The following KIF1B variants were observed in gnomAD, a reference collection of about 807,000 sequenced individuals.
KIF1B encodes the protein kinesin family member 1B.
KIF1B carries 76 observed loss-of-function variants against 241.9 expected under a neutral mutation model. The ratio of observed to expected loss-of-function variants is 0.31; its 90% CI spans 0.26 to 0.38. The LOEUF (loss-of-function observed/expected upper bound fraction) is 0.38. KIF1B is among the 10% of genes least tolerant of loss of function. KIF1B has a pLI of 1.00. For missense variants in KIF1B, 1,622 were observed against 2,271.4 expected (o/e 0.71, Z 5.81); for synonymous variants, 750 against 796.7 (o/e 0.94, Z 0.99).
chr1:10,256,690 A>AAAT (rs200673196), intron 3 of KIF1B, among the ~76,000 whole-genome samples: 4,004 of 148,772 alleles, frequency 0.027, 58 homozygotes, highest in African/African-American at 0.034. Flanking sequence ...AGGAAATGCC[A>AAAT]AATAATAATA....
At chr1:10,351,045 G>C (rs1652772701) in intron 37 of KIF1B, among the ~76,000 whole-genome samples, 1 of 138,506 alleles carries the variant, frequency 7.2e-6, no homozygotes, top group Admixed American at 7.7e-5. Flanking sequence ...CCATGATCAT[G>C]CCACTGCATG....
At position 10,379,386 on chromosome 1, in the gene KIF1B, G is replaced by C. The variant is rs1029229622; in HGVS notation, c.*2799G>C. ...AGGGAGCAGAGTGGTCGTGTCCTGC[G>C]TGCTCTTCACCCTCTGGGGCGCCCC... On this transcript the variant is annotated 3_prime_UTR_variant, in exon 49 of 49. Transcript: ENST00000676179. 1 of 231,276 alleles carries C rather than the reference G, an allele frequency of 4.3e-6. No individual in the cohort carries two copies. The highest frequency in any genetic ancestry group is 5.6e-5 in the Admixed American group (1 of 17,724). The allele number at this position is 231,276 out of a possible 1,614,324, so 14.3% of individuals were successfully genotyped here. A position where few individuals can be genotyped will look rare whatever the true frequency, so the allele number is the denominator to read the frequency against.
chr1:10,372,012 C>T (rs957828593), intron 45 of KIF1B, among the ~76,000 whole-genome samples: 4 of 152,164 alleles, frequency 2.6e-5, no homozygotes, highest in African/African-American at 9.7e-5. Context: ...GCAACACACC[C>T]TCTTGTGCAT....
At chr1:10,277,608 G>A (rs1267076079) in intron 12 of KIF1B, among the ~76,000 whole-genome samples, 1 of 152,062 alleles carries the variant, frequency 6.6e-6, no homozygotes, top group African/African-American at 2.4e-5. Context: ...TAAAGTGTTG[G>A]GATTACAGGT....
rs763876459 is a variant in KIF1B at position 10,321,806 on chromosome 1, T to C, written c.2307T>C (p.Asn769=). Residue 769 remains asparagine (N), a synonymous_variant, in exon 24 of 49, where the codon AAT becomes AAC. Coordinates refer to ENST00000676179, the MANE Select transcript of KIF1B (RefSeq NM_001365951.3). ...CATTACGGGACTTACTCTGGGGCAA[T>C]GCCGTGTACCTAAAGGAGGCCAATG... ...FTSLRDLLWG[N]AVYLKEANAI... The C allele has an allele frequency of 4.3e-6, 7 of 1,614,100 alleles. No homozygotes were observed. The Admixed American group carries it at 6.7e-5, about 15-fold the overall frequency.
At chr1:10,256,500 T>C (rs771361679) in intron 3 of KIF1B, among the ~76,000 whole-genome samples, 177 bp downstream of exon 3, 17 of 152,236 alleles carry the variant, frequency 1.1e-4, no homozygotes, top group Middle Eastern at 3.4e-3. Context: ...TTTGGGTTGA[T>C]GGAAAGTTTA....
chr1:10,237,689 A>C (rs983073682), intron 2 of KIF1B, among the ~76,000 whole-genome samples: 1 of 152,142 alleles, frequency 6.6e-6, no homozygotes, highest in Admixed American at 6.6e-5. Flanking sequence ...AACTGATACA[A>C]ATAATGATTT....
chr1:10,370,593 T>G (rs1203114), intron 44 of KIF1B, among the ~76,000 whole-genome samples: 95,609 of 141,286 alleles, frequency 0.68, 32,584 homozygotes, highest in East Asian at 0.82. Flanking sequence ...ATAATAATAA[T>G]AAGAAGAAGA....
chr1:10,282,081 T>C (rs1356932622), intron 14 of KIF1B, among the ~76,000 whole-genome samples: 4 of 152,224 alleles, frequency 2.6e-5, no homozygotes, highest in African/African-American at 9.6e-5. Context: ...TACATTGGAA[T>C]CTTTTAGTTT....
chr1:10,254,867 ACT>A (rs1647679412), intron 2 of KIF1B, among the ~76,000 whole-genome samples: 2 of 115,774 alleles, frequency 1.7e-5, no homozygotes, highest in South Asian at 5.8e-4. Context: ...ACAGAGGGAG[ACT>A]CTGTCTCAAA....
At chr1:10,345,459 T>C (rs756530978) in intron 34 of KIF1B, among the ~76,000 whole-genome samples, 16 of 152,154 alleles carry the variant, frequency 1.1e-4, no homozygotes, top group Non-Finnish European at 2.1e-4. Flanking sequence ...TCAGCTTTGA[T>C]TGAGCCCCTG....
intron 22 of KIF1B, among the ~76,000 whole-genome samples, chr1:10,313,602 G>C (rs1183050540): frequency 2.0e-5 from 3 of 146,556 alleles, no homozygotes; most frequent in African/African-American, 7.9e-5. Flanking sequence ...CCAGGCTGGA[G>C]TGCAGTGGCG....
Position 10,303,930 on chromosome 1 carries a change from A to T in KIF1B, c.2115+6684A>T. The T allele has an allele frequency of 6.2e-7, 1 of 1,614,208 alleles. No individual in the cohort carries two copies. Among genetic ancestry groups the T allele is most frequent in the Non-Finnish European group, 8.5e-7 (1 of 1,180,044 alleles). ...TGATGAATGGGGATCCAGCTTTTAG[A>T]CGTGGACGTCTGCGCTGGATGAGGC... On this transcript the variant is annotated intron_variant, in intron 22 of 48. Transcript: ENST00000676179. This position sits in a 1 kb window ranked among gnomAD's most constrained non-coding sequence, Gnocchi z 5.2.
chr1:10,368,109 T>C (rs771162046), intron 43 of KIF1B, among the ~76,000 whole-genome samples: 51 of 152,248 alleles, frequency 3.3e-4, no homozygotes, highest in Non-Finnish European at 1.6e-4. Context: ...TTATTAGACA[T>C]ACATAGAACT....
chr1:10,368,517 C>G lies in KIF1B; in HGVS notation c.4803C>G (p.His1601Gln). 6.2e-7 allele frequency: 1 copy of G among 1,613,924 alleles called. No homozygotes were observed. The highest frequency in any genetic ancestry group is 8.5e-7 in the Non-Finnish European group (1 of 1,179,826). Residue 1601 changes from histidine to glutamine, a missense_variant, in exon 44 of 49, where the codon CAC becomes CAG. This residue lies in a region of KIF1B where 357 missense variants were observed against 409.0 expected (regional missense o/e 0.87). Coordinates refer to ENST00000676179, the MANE Select transcript of KIF1B (RefSeq NM_001365951.3). ...TCAACAGAGAATTCAGCCAGGTGCA[C>G]GGCAGCGTCAGTGACTGTAAGGTGA... ...HTFNREFSQV[H>Q]GSVSDCKLSD...
intron 1 of KIF1B, among the ~76,000 whole-genome samples, chr1:10,226,173 TAG>T (rs1209359764): frequency 6.6e-6 from 1 of 152,078 alleles, no homozygotes; most frequent in Non-Finnish European, 1.5e-5. Flanking sequence ...ATTAGATGGA[TAG>T]ACAAAGCAAG....
At chr1:10,216,967 T>C (rs1054930763) in intron 1 of KIF1B, among the ~76,000 whole-genome samples, 3 of 48,428 alleles carry the variant, frequency 6.2e-5, no homozygotes, top group African/African-American at 2.5e-4. Flanking sequence ...CTTTTTTTTT[T>C]TTTTTTTTTT....
At chr1:10,361,639 T>C in intron 39 of KIF1B, 53 bp from the exon 40 acceptor site, 17 of 1,607,994 alleles carry the variant, frequency 1.1e-5, no homozygotes, top group Non-Finnish European at 1.4e-5. Flanking sequence ...GTATAGACTC[T>C]AGTCACAGTA....
intron 22 of KIF1B, among the ~76,000 whole-genome samples, chr1:10,312,876 G>A (rs1007752284): frequency 6.6e-5 from 10 of 151,250 alleles, no homozygotes; most frequent in Non-Finnish European, 1.5e-4. Flanking sequence ...TTGTCTTATT[G>A]ACCACTAGCA....
Sources: gnomAD v4.1 joint callset for allele counts (sites outside exome capture counted in the v4.1 genomes callset) on GRCh38, gnomAD v4.1.1 for gene constraint, gnomAD v4.1.1 regional missense constraint, Gnocchi (gnomAD v3.1) non-coding constraint, MANE v1.5 for transcripts, NCBI Gene and HGNC (gene_info 2026-07-23, HGNC 2026-07-21) for gene names.